Variants in METTL24 observed in about 807,000 individuals in gnomAD.
The protein encoded by METTL24 is probable methyltransferase-like protein 24.
Under a neutral mutation model 32.7 loss-of-function variants are expected in METTL24, and 29 were observed. The observed-to-expected ratio is 0.89, with a 90% CI of 0.66 to 1.21. The LOEUF (loss-of-function observed/expected upper bound fraction) is 1.21, where lower values mean the gene tolerates loss of function less well. Among genes scored for constraint, METTL24 ranks in the 50% most tolerant of loss-of-function variants. The pLI, the probability that METTL24 is intolerant of heterozygous loss-of-function variation, is 0.00. For missense variants in METTL24, 439 were observed against 468.1 expected (o/e 0.94, Z 0.57); for synonymous variants, 163 against 179.5 (o/e 0.91, Z 0.73).
chr6:110,347,009 G>A (rs943500642), intron 1 of METTL24, among the ~76,000 whole-genome samples: 1 of 151,746 alleles, frequency 6.6e-6, no homozygotes, highest in African/African-American at 2.4e-5. Flanking sequence ...TTTTCACTTT[G>A]ATGGCGTTCT....
intron 1 of METTL24, among the ~76,000 whole-genome samples, chr6:110,352,707 C>T (rs762907485): frequency 2.0e-5 from 3 of 151,838 alleles, no homozygotes; most frequent in East Asian, 1.9e-4. Flanking sequence ...ATTCCTGCCT[C>T]GGTGTGTGTC....
intron 1 of METTL24, among the ~76,000 whole-genome samples, chr6:110,346,310 G>A (rs971776738): frequency 6.6e-6 from 1 of 152,184 alleles, no homozygotes; most frequent in Non-Finnish European, 1.5e-5. Context: ...ATCATGGTGA[G>A]TAAGACAGAT....
chr6:110,278,899 G>T (rs762188145), intron 4 of METTL24, among the ~76,000 whole-genome samples: 2 of 152,168 alleles, frequency 1.3e-5, no homozygotes, highest in Non-Finnish European at 2.9e-5. Flanking sequence ...GCATGCACCT[G>T]TAGTACCAGC....
intron 4 of METTL24, among the ~76,000 whole-genome samples, chr6:110,295,085 C>A (rs1771389601): frequency 7.7e-6 from 1 of 129,508 alleles, no homozygotes; most frequent in African/African-American, 3.1e-5. Context: ...TACAGTGGAG[C>A]AATCATGGCT....
At position 110,244,468 on chromosome 6, in the gene METTL24, T is replaced by C. The variant is rs1327369666; in HGVS notation, c.*1478A>G. ...AAAAGTGTAATACCCAAAGTATTAG[T>C]CCATTCTCACACTGCTATGAAGATA... On this transcript the variant is annotated 3_prime_UTR_variant, in exon 5 of 5. Transcript: ENST00000338882. Among the ~76,000 whole-genome samples the C allele has an allele frequency of 6.6e-6, 1 of 152,166 alleles. No homozygotes were observed. Among genetic ancestry groups the C allele is most frequent in the Non-Finnish European group, 1.5e-5 (1 of 68,020 alleles).
intron 4 of METTL24, among the ~76,000 whole-genome samples, chr6:110,298,325 T>G (rs1400751778): frequency 6.6e-6 from 1 of 152,246 alleles, no homozygotes; most frequent in African/African-American, 2.4e-5. Context: ...TCAAAGATTG[T>G]TTCTTTTTTG....
At position 110,246,198 on chromosome 6, in the gene METTL24, C is replaced by T; in HGVS notation, c.849G>A (p.Leu283=). ...GTCCAATCTGCTCAAGAACATCTTC[C>T]AGAATAAGATTTTCCAAAACTTTCC... ...AEWKVLENLI[L]EDVLEQIGQL... Residue 283 remains leucine, a synonymous_variant, in exon 5 of 5, where the codon CTG becomes CTA. Transcript: ENST00000338882. The T allele has an allele frequency of 1.2e-6, 2 of 1,614,094 alleles. No homozygotes were observed. The highest frequency in any genetic ancestry group is 1.7e-6 in the Non-Finnish European group (2 of 1,180,014).
intron 4 of METTL24, among the ~76,000 whole-genome samples, chr6:110,278,586 C>T (rs879330153): frequency 6.6e-6 from 1 of 152,138 alleles, no homozygotes; most frequent in Non-Finnish European, 1.5e-5. Flanking sequence ...CAGAATTTCA[C>T]CCATAATAGA....
At chr6:110,299,252 A>C in intron 3 of METTL24, 102 bp from the exon 4 acceptor site, 9 of 1,003,040 alleles carry the variant, frequency 9.0e-6, no homozygotes, top group South Asian at 1.4e-5. Context: ...TAGTTATATC[A>C]AGCCTTCTCC....
chr6:110,348,638 T>G (rs1204451992), intron 1 of METTL24, among the ~76,000 whole-genome samples: 1 of 152,258 alleles, frequency 6.6e-6, no homozygotes, highest in East Asian at 1.9e-4. Context: ...ATATTGCCTC[T>G]GATTTGGGGA....
At chr6:110,355,773 A>G (rs112328097) in intron 1 of METTL24, among the ~76,000 whole-genome samples, 1,993 of 152,242 alleles carry the variant, frequency 0.013, 45 homozygotes, top group African/African-American at 0.046. Context: ...GCTCCTCCTC[A>G]TCCACCTTCC....
At chr6:110,307,673 A>G (rs1771649071) in intron 3 of METTL24, among the ~76,000 whole-genome samples, 1 of 152,248 alleles carries the variant, frequency 6.6e-6, no homozygotes, top group African/African-American at 2.4e-5. Flanking sequence ...AAATACAGCC[A>G]TCAGAAAGGT....
intron 1 of METTL24, among the ~76,000 whole-genome samples, chr6:110,328,642 C>A (rs1281749286): frequency 2.0e-5 from 3 of 152,120 alleles, no homozygotes; most frequent in Non-Finnish European, 4.4e-5. Context: ...AGCCATGAAG[C>A]TGAATTCCAA....
chr6:110,308,199 G>A (rs965438673), intron 3 of METTL24, among the ~76,000 whole-genome samples: 6 of 152,134 alleles, frequency 3.9e-5, no homozygotes, highest in African/African-American at 1.2e-4. Flanking sequence ...CTTGAGGGAG[G>A]GGTGCCCTTT....
chr6:110,355,434 A>G (rs1012142294), intron 1 of METTL24, among the ~76,000 whole-genome samples: 3 of 152,226 alleles, frequency 2.0e-5, no homozygotes, highest in Non-Finnish European at 4.4e-5. Context: ...AGAGCTAAAC[A>G]TGCCAGGCAC....
At chr6:110,322,588 G>GTTC in intron 2 of METTL24, 186 bp downstream of exon 2, 1 of 461,338 alleles carries the variant, frequency 2.2e-6, no homozygotes, top group Non-Finnish European at 3.9e-6. Context: ...ACATGCCCTA[G>GTTC]CAAATGGAAG....
At chr6:110,345,079 T>C (rs1772444208) in intron 1 of METTL24, among the ~76,000 whole-genome samples, 2 of 151,696 alleles carry the variant, frequency 1.3e-5, no homozygotes, top group East Asian at 3.9e-4. Context: ...CTTACATTTA[T>C]AAGAAAAAAA....
chr6:110,272,409 G>A (rs1230939245), intron 4 of METTL24, among the ~76,000 whole-genome samples: 1 of 152,098 alleles, frequency 6.6e-6, no homozygotes, highest in Non-Finnish European at 1.5e-5. Context: ...TTTTGCAATC[G>A]TGAATTGCGC....
rs143957487 is a variant in METTL24 at position 110,328,247 on chromosome 6, A to G, written c.319-5375T>C. On this transcript the variant is annotated intron_variant, in intron 1 of 4. Transcript: ENST00000338882. Reference sequence around the variant, plus strand: ...AGGGCAGGCGTGGTCCTGATTTCCAATGTAAGGAAGCAGCCTCCTTTCAGT... The same window carrying G: ...AGGGCAGGCGTGGTCCTGATTTCCAGTGTAAGGAAGCAGCCTCCTTTCAGT... 7.4e-3 allele frequency among the ~76,000 whole-genome samples: 1,097 copies of G among 148,318 alleles called. 17 individuals carry two copies. Among genetic ancestry groups the G allele is most frequent in the African/African-American group, 0.027 (1,046 of 38,914 alleles).
Sources: allele counts gnomAD v4.1 joint callset (sites outside exome capture counted in the v4.1 genomes callset), GRCh38; gene constraint gnomAD v4.1.1; transcripts MANE v1.5; gene names NCBI Gene and HGNC (gene_info 2026-07-23, HGNC 2026-07-21).